The following GALNT7 variants were observed in gnomAD, a reference collection of about 807,000 sequenced individuals.
GALNT7 encodes N-acetylgalactosaminyltransferase 7.
In GALNT7, 60 loss-of-function variants were observed where a neutral mutation model predicts 82.1. That is an observed-to-expected ratio of 0.73 (90% CI 0.59 to 0.91). GALNT7 has a LOEUF of 0.91. Ranked by LOEUF, GALNT7 falls within the 40% of genes least tolerant of loss-of-function variation. The probability of loss-of-function intolerance (pLI) is 0.00; values close to 1 mark genes in which losing one functional copy is unlikely to be tolerated. For synonymous variants in GALNT7, 243 were observed against 275.1 expected (o/e 0.88, Z 1.15); for missense variants, 660 against 804.2 (o/e 0.82, Z 2.17).
intron 2 of GALNT7, among the ~76,000 whole-genome samples, chr4:173,268,656 G>A (rs972370147): frequency 1.5e-5 from 2 of 137,618 alleles, no homozygotes; most frequent in African/African-American, 2.6e-5. Flanking sequence ...TCAGCCTCCC[G>A]AGTAGCTGGG....
intron 5 of GALNT7, 178 bp from the exon 6 acceptor site, chr4:173,297,937 A>G: frequency 4.7e-6 from 7 of 1,485,016 alleles, no homozygotes; most frequent in Non-Finnish European, 6.2e-6. Context: ...TCTAAGCCAC[A>G]AGGAAAAGGC....
At chr4:173,236,604 T>C (rs189680636) in intron 1 of GALNT7, among the ~76,000 whole-genome samples, 2 of 152,200 alleles carry the variant, frequency 1.3e-5, no homozygotes, top group Non-Finnish European at 2.9e-5. Context: ...CCTGCCCTTC[T>C]GTTATAGCAA....
intron 1 of GALNT7, among the ~76,000 whole-genome samples, chr4:173,177,223 C>G (rs1271862574): frequency 6.6e-6 from 1 of 152,054 alleles, no homozygotes; most frequent in Non-Finnish European, 1.5e-5. Context: ...AACTAGTTCC[C>G]CGGGGATGCT....
At chr4:173,238,557 T>C (rs1280977068) in intron 1 of GALNT7, among the ~76,000 whole-genome samples, 1 of 152,210 alleles carries the variant, frequency 6.6e-6, no homozygotes, top group East Asian at 1.9e-4. Context: ...ACTGAAATGA[T>C]GGCATAAACT....
chr4:173,316,176 C>T (rs1165126058), intron 9 of GALNT7: 2 of 48,882 alleles, frequency 4.1e-5, no homozygotes, highest in Non-Finnish European at 1.6e-4. Context: ...TCTCTGGCCT[C>T]ACCTGCTACT....
chr4:173,212,088 C>A (rs902658718), intron 1 of GALNT7, among the ~76,000 whole-genome samples: 2 of 152,082 alleles, frequency 1.3e-5, no homozygotes, highest in African/African-American at 4.8e-5. Context: ...GGACAGCACA[C>A]GTGCTATACT....
intron 3 of GALNT7, 123 bp from the exon 4 acceptor site, chr4:173,295,273 C>T (rs1736680794): frequency 1.5e-6 from 1 of 659,220 alleles, no homozygotes; most frequent in African/African-American, 1.8e-5. Flanking sequence ...ATAAAACGTG[C>T]AATCTGGTCC....
At chr4:173,275,125 C>T (rs1292482419) in intron 2 of GALNT7, among the ~76,000 whole-genome samples, 2 of 152,172 alleles carry the variant, frequency 1.3e-5, no homozygotes, top group East Asian at 1.9e-4. Flanking sequence ...TTTGGGGGCT[C>T]ATTAGGACAC....
intron 2 of GALNT7, among the ~76,000 whole-genome samples, chr4:173,260,301 C>T (rs968293519): frequency 6.6e-6 from 1 of 152,182 alleles, no homozygotes; most frequent in Non-Finnish European, 1.5e-5. Context: ...ATTTGGAAGT[C>T]TTACTGAGGA....
chr4:173,297,456 G>GA (rs1736758304), intron 5 of GALNT7, among the ~76,000 whole-genome samples: 1 of 152,110 alleles, frequency 6.6e-6, no homozygotes, highest in Admixed American at 6.5e-5. Flanking sequence ...GGGTGATAGG[G>GA]AAAATAACAG....
chr4:173,174,003 C>CA (rs1254306315), intron 1 of GALNT7, among the ~76,000 whole-genome samples: 1 of 152,148 alleles, frequency 6.6e-6, no homozygotes, highest in Non-Finnish European at 1.5e-5. Flanking sequence ...GATTGTACTT[C>CA]AAATGGAAGC....
intron 1 of GALNT7, among the ~76,000 whole-genome samples, chr4:173,186,503 G>C (rs1732465561): frequency 6.6e-6 from 1 of 152,160 alleles, no homozygotes; most frequent in Non-Finnish European, 1.5e-5. Context: ...TTCTATGGCT[G>C]GGTTTAACTT....
intron 2 of GALNT7, among the ~76,000 whole-genome samples, chr4:173,262,567 A>G (rs1735315325): frequency 6.6e-6 from 1 of 152,234 alleles, no homozygotes; most frequent in African/African-American, 2.4e-5. Context: ...GTCATTGGCA[A>G]CAAGTGATGT....
chr4:173,286,137 T>G (rs73003329), intron 2 of GALNT7, among the ~76,000 whole-genome samples: 14,711 of 152,288 alleles, frequency 0.097, 1,721 homozygotes, highest in African/African-American at 0.28. Context: ...GAGCATTCTT[T>G]AAGAAAATCC....
At chr4:173,297,555 G>T (rs1015672421) in intron 5 of GALNT7, among the ~76,000 whole-genome samples, 1 of 152,204 alleles carries the variant, frequency 6.6e-6, no homozygotes, top group Admixed American at 6.5e-5. Flanking sequence ...ATTAAGCTCA[G>T]TGATATAGTT....
rs60894562 is a variant in GALNT7 at position 173,268,530 on chromosome 4, G to GTTTTTTTT, written c.587+20110_587+20117dup. On this transcript the variant is annotated intron_variant, in intron 2 of 11. Transcript: ENST00000265000. Reference sequence around the variant, plus strand: ...AAATAGGACACTTGTTTTCTCTCTCGTTTTTTTTTTTTTTTTTTTTTTTTT... The same window carrying GTTTTTTTT: ...AAATAGGACACTTGTTTTCTCTCTCGTTTTTTTTTTTTTTTTTTTTTTTTTTTTTTTTT... Among the ~76,000 whole-genome samples the GTTTTTTTT allele has an allele frequency of 9.5e-5, 5 of 52,364 alleles. 2 individuals carry two copies. The highest frequency in any genetic ancestry group is 1.6e-4 in the Non-Finnish European group (5 of 30,802). 34.4% of individuals were successfully genotyped at this position (52,364 alleles called of 152,430 possible).
intron 1 of GALNT7, among the ~76,000 whole-genome samples, chr4:173,177,552 A>C (rs1210483492): frequency 6.6e-6 from 1 of 152,162 alleles, no homozygotes; most frequent in African/African-American, 2.4e-5. Flanking sequence ...TTTAGGCTCT[A>C]GGAGGTTGGT....
At chr4:173,226,598 G>A (rs1733835493) in intron 1 of GALNT7, among the ~76,000 whole-genome samples, 1 of 152,090 alleles carries the variant, frequency 6.6e-6, no homozygotes, top group Admixed American at 6.5e-5. Context: ...TGATTTTCTG[G>A]TGGAGAAAAT....
chr4:173,216,800 G>A (rs182962457), intron 1 of GALNT7, among the ~76,000 whole-genome samples: 15 of 136,488 alleles, frequency 1.1e-4, no homozygotes, highest in Non-Finnish European at 1.8e-4. Context: ...GCGCAATCTC[G>A]GCTCACTGCA....
Sources: allele counts gnomAD v4.1 joint callset (sites outside exome capture counted in the v4.1 genomes callset), GRCh38; gene constraint gnomAD v4.1.1; transcripts MANE v1.5; gene names NCBI Gene and HGNC (gene_info 2026-07-23, HGNC 2026-07-21).